Variants in BMPR1A observed in about 807,000 individuals in gnomAD.
BMPR1A encodes bone morphogenetic protein receptor type 1A.
BMPR1A carries 7 observed loss-of-function variants against 66.0 expected under a neutral mutation model. The ratio of observed to expected loss-of-function variants is 0.11; its 90% CI spans 0.06 to 0.20. BMPR1A has a LOEUF of 0.20. BMPR1A is among the 10% of genes least tolerant of loss of function. BMPR1A has a pLI of 1.00. For synonymous variants in BMPR1A, 200 were observed against 229.7 expected (o/e 0.87, Z 1.17); for missense variants, 408 against 669.1 (o/e 0.61, Z 4.31).
intron 1 of BMPR1A, among the ~76,000 whole-genome samples, chr10:86,769,572 G>A (rs149700412): frequency 1.5e-4 from 23 of 152,298 alleles, no homozygotes; most frequent in East Asian, 5.8e-4. Context: ...CCTTTCCAGG[G>A]CTTATTAAGA....
At chr10:86,831,740 G>T (rs757505067) in intron 1 of BMPR1A, among the ~76,000 whole-genome samples, 30 of 152,200 alleles carry the variant, frequency 2.0e-4, no homozygotes, top group Non-Finnish European at 3.5e-4. Context: ...CTCCAGCTTG[G>T]GTGACAGAGC....
chr10:86,797,231 A>ATTTTTTTT (rs1236270338), intron 1 of BMPR1A, among the ~76,000 whole-genome samples: 1 of 83,794 alleles, frequency 1.2e-5, no homozygotes, highest in Admixed American at 1.3e-4. Flanking sequence ...AGCCCGGCTA[A>ATTTTTTTT]TTTTTTTTTT....
chr10:86,930,221 A>G (rs1373947824), downstream of BMPR1A: 1 of 152,298 alleles, frequency 6.6e-6, no homozygotes, highest in African/African-American at 2.4e-5. Flanking sequence ...GCAGTGGCAC[A>G]TACAAAAAAT....
At chr10:86,867,809 A>G (rs1431734893) in intron 2 of BMPR1A, among the ~76,000 whole-genome samples, 2 of 152,132 alleles carry the variant, frequency 1.3e-5, no homozygotes, top group African/African-American at 4.8e-5. Flanking sequence ...GCTATACTAG[A>G]TTGTCTTGAT....
intron 3 of BMPR1A, among the ~76,000 whole-genome samples, chr10:86,884,153 C>T (rs1052117546): frequency 6.6e-6 from 1 of 151,908 alleles, no homozygotes; most frequent in Admixed American, 6.6e-5. Context: ...CAGGCCTGAA[C>T]CACCATTCCC....
At position 86,802,391 on chromosome 10, in the gene BMPR1A, T is replaced by C. The variant is rs76770487; in HGVS notation, c.-267-36474T>C. Among the ~76,000 whole-genome samples the C allele has an allele frequency of 2.3e-3, 356 of 152,306 alleles. 1 individual carries two copies. The highest frequency in any genetic ancestry group is 8.3e-3 in the African/African-American group (344 of 41,562). On this transcript the variant is annotated intron_variant, in intron 1 of 12. Transcript: ENST00000372037. ...AGGATAAAAAATAGGACTTGGAAAGTAAAAATAACCCATGTTAAAGAATCT... is the reference window on the plus strand; with the variant it reads ...AGGATAAAAAATAGGACTTGGAAAGCAAAAATAACCCATGTTAAAGAATCT...
chr10:86,851,192 C>T (rs992805582), intron 2 of BMPR1A, among the ~76,000 whole-genome samples: 69 of 152,168 alleles, frequency 4.5e-4, no homozygotes, highest in African/African-American at 1.4e-3. Context: ...AGTAACTGGC[C>T]GTTACTGTAA....
At chr10:86,871,772 AG>A (rs1842858169) in intron 2 of BMPR1A, among the ~76,000 whole-genome samples, 1 of 151,714 alleles carries the variant, frequency 6.6e-6, no homozygotes, top group African/African-American at 2.4e-5. Flanking sequence ...ACTGCACTTC[AG>A]CCTGGGCAAC....
intron 1 of BMPR1A, among the ~76,000 whole-genome samples, chr10:86,836,279 T>A (rs1239028699): frequency 6.9e-6 from 1 of 145,048 alleles, no homozygotes; most frequent in Non-Finnish European, 1.5e-5. Flanking sequence ...CTCATAGGAC[T>A]ATAGCACTAT....
chr10:86,767,753 C>T (rs1841191272), intron 1 of BMPR1A, among the ~76,000 whole-genome samples: 1 of 138,670 alleles, frequency 7.2e-6, no homozygotes, highest in African/African-American at 3.4e-5. Context: ...CCTTGTCTGC[C>T]TAAAACTAGA....
At chr10:86,859,899 C>G (rs1238046918) in intron 2 of BMPR1A, among the ~76,000 whole-genome samples, 1 of 152,178 alleles carries the variant, frequency 6.6e-6, no homozygotes, top group East Asian at 1.9e-4. Context: ...GACCTAGAAT[C>G]CCACTTCTGC....
At chr10:86,846,254 A>G (rs1679741159) in intron 2 of BMPR1A, among the ~76,000 whole-genome samples, 1 of 152,112 alleles carries the variant, frequency 6.6e-6, no homozygotes, top group South Asian at 2.1e-4. Context: ...GTCACCCTTC[A>G]TAAGAAGGAG....
intron 2 of BMPR1A, chr10:86,856,295 C>T (rs59817298): frequency 0.067 from 33,528 of 498,184 alleles, 1,356 homozygotes; most frequent in South Asian, 0.11. Flanking sequence ...TGTGGCATTT[C>T]GAGAATGGTG....
At chr10:86,859,008 C>G (rs1343890341) in intron 2 of BMPR1A, among the ~76,000 whole-genome samples, 1 of 152,178 alleles carries the variant, frequency 6.6e-6, no homozygotes, top group African/African-American at 2.4e-5. Flanking sequence ...CATCACACTA[C>G]CAGACTTCAA....
intron 2 of BMPR1A, among the ~76,000 whole-genome samples, chr10:86,867,255 G>A (rs1431870887): frequency 6.6e-6 from 1 of 152,186 alleles, no homozygotes; most frequent in Admixed American, 6.5e-5. Context: ...AGGTGTTTTG[G>A]ATTTGAGTTG....
chr10:86,859,094 A>G (rs558852218), intron 2 of BMPR1A, among the ~76,000 whole-genome samples: 6 of 152,324 alleles, frequency 3.9e-5, no homozygotes, highest in African/African-American at 1.4e-4. Context: ...ATTGAACAGA[A>G]TAGAGAACCT....
intron 2 of BMPR1A, among the ~76,000 whole-genome samples, chr10:86,849,831 A>G (rs1842542154): frequency 6.6e-6 from 1 of 152,240 alleles, no homozygotes; most frequent in Non-Finnish European, 1.5e-5. Flanking sequence ...AGTAAATATT[A>G]GTTTAACTTT....
chr10:86,870,250 A>G (rs983372807), intron 2 of BMPR1A, among the ~76,000 whole-genome samples: 1 of 152,306 alleles, frequency 6.6e-6, no homozygotes, highest in Middle Eastern at 3.4e-3. Flanking sequence ...TGCCCGTTAG[A>G]CATTCCCTTT....
At chr10:86,785,725 T>C (rs1226112452) in intron 1 of BMPR1A, among the ~76,000 whole-genome samples, 1 of 152,252 alleles carries the variant, frequency 6.6e-6, no homozygotes, top group African/African-American at 2.4e-5. Flanking sequence ...TACTGAAATC[T>C]CCTGCTGTTA....
Sources: gnomAD v4.1 joint callset for allele counts (sites outside exome capture counted in the v4.1 genomes callset) on GRCh38, gnomAD v4.1.1 for gene constraint, MANE v1.5 for transcripts, NCBI Gene and HGNC (gene_info 2026-07-23, HGNC 2026-07-21) for gene names.